The following FMN2 variants were observed in gnomAD, a reference collection of about 807,000 sequenced individuals.
The protein encoded by FMN2 is formin-2.
Under a neutral mutation model 142.3 loss-of-function variants are expected in FMN2, and 51 were observed. The observed-to-expected ratio is 0.36, with a 90% CI of 0.29 to 0.45. The LOEUF (loss-of-function observed/expected upper bound fraction) is 0.45. Among genes scored for constraint, FMN2 ranks in the 20% least tolerant of loss-of-function variants. FMN2 has a pLI of 1.00. For synonymous variants in FMN2, 882 were observed against 869.8 expected (o/e 1.01, Z -0.25); for missense variants, 1,936 against 2,122.8 (o/e 0.91, Z 1.73).
At chr1:240,158,788 A>G (rs1664140213) in intron 2 of FMN2, among the ~76,000 whole-genome samples, 1 of 152,206 alleles carries the variant, frequency 6.6e-6, no homozygotes, top group Admixed American at 6.5e-5. Context: ...ACTCTAGTTG[A>G]TAAAAATGAC....
chr1:240,398,140 C>T (rs376488791), intron 15 of FMN2, among the ~76,000 whole-genome samples: 8 of 151,944 alleles, frequency 5.3e-5, no homozygotes, highest in African/African-American at 1.7e-4. Context: ...GAATTACAAG[C>T]GTGCACTGCC....
In FMN2 at chr1:240,421,957, C is replaced by T. The variant is rs1429299578; in HGVS notation, c.4911-16104C>T. Among the ~76,000 whole-genome samples the T allele has an allele frequency of 5.3e-5, 8 of 152,256 alleles. 1 individual carries two copies. The highest frequency in any genetic ancestry group is 5.2e-4 in the Admixed American group (8 of 15,292). Reference sequence around the variant, plus strand: ...CCAGGATGGGCAGGAGACACCAGGTCATGGCTCCTGAGCACCAGCTTCCTG... The same window carrying T: ...CCAGGATGGGCAGGAGACACCAGGTTATGGCTCCTGAGCACCAGCTTCCTG... On this transcript the variant is annotated intron_variant, in intron 15 of 17. Transcript: ENST00000319653.
At chr1:240,241,825 C>CTTCTTTTTTTTTTTTTTTTTT (rs1667908718) in intron 6 of FMN2, among the ~76,000 whole-genome samples, 7 of 96,204 alleles carry the variant, frequency 7.3e-5, no homozygotes, top group Non-Finnish European at 1.3e-4. Flanking sequence ...GTGTGCCTTG[C>CTTCTTTTTTTTTTTTTTTTTT]TTTTTTTTTT....
chr1:240,430,374 A>G (rs909696270), intron 15 of FMN2, among the ~76,000 whole-genome samples: 6 of 152,152 alleles, frequency 3.9e-5, no homozygotes, highest in African/African-American at 1.2e-4. Flanking sequence ...ACTGTGTGAA[A>G]ATTTTAATTG....
intron 8 of FMN2, among the ~76,000 whole-genome samples, chr1:240,314,098 C>T (rs1392582669): frequency 2.0e-5 from 3 of 152,028 alleles, no homozygotes; most frequent in Non-Finnish European, 2.9e-5. Flanking sequence ...CTGTCCTCTG[C>T]AAGGAAAAAG....
chr1:240,429,734 C>T (rs1040910774), intron 15 of FMN2, among the ~76,000 whole-genome samples: 1 of 152,130 alleles, frequency 6.6e-6, no homozygotes, highest in African/African-American at 2.4e-5. Flanking sequence ...ATTGATATAT[C>T]AGCAACTTCT....
chr1:240,200,073 C>T (rs1666070802), intron 4 of FMN2, among the ~76,000 whole-genome samples: 1 of 152,132 alleles, frequency 6.6e-6, no homozygotes, highest in African/African-American at 2.4e-5. Flanking sequence ...TATCTAGCTG[C>T]ACCCTGAAGA....
At chr1:240,167,799 G>T (rs1558333461) in intron 2 of FMN2, among the ~76,000 whole-genome samples, 1 of 152,160 alleles carries the variant, frequency 6.6e-6, no homozygotes, top group African/African-American at 2.4e-5. Flanking sequence ...AAAATAGGCT[G>T]GGCACGGTGG....
intron 16 of FMN2, among the ~76,000 whole-genome samples, chr1:240,442,424 A>G (rs1675655369): frequency 6.6e-6 from 1 of 152,234 alleles, no homozygotes; most frequent in Non-Finnish European, 1.5e-5. Flanking sequence ...ACCATGATCA[A>G]CAGTTCCCTT....
intron 16 of FMN2, among the ~76,000 whole-genome samples, chr1:240,468,517 C>T (rs1216780678): frequency 6.6e-6 from 1 of 152,110 alleles, no homozygotes; most frequent in Non-Finnish European, 1.5e-5. Context: ...ATGGTGATTG[C>T]GTTCTCACTC....
At chr1:240,271,686 A>T (rs572787488) in intron 7 of FMN2, among the ~76,000 whole-genome samples, 1 of 152,116 alleles carries the variant, frequency 6.6e-6, no homozygotes, top group East Asian at 1.9e-4. Flanking sequence ...TAACCTTTTC[A>T]TCAATTGTAG....
At chr1:240,226,746 A>C (rs1667315665) in intron 6 of FMN2, among the ~76,000 whole-genome samples, 1 of 152,120 alleles carries the variant, frequency 6.6e-6, no homozygotes, top group Non-Finnish European at 1.5e-5. Context: ...GAAAAAAGAC[A>C]AAAGTCCGTG....
At chr1:240,172,928 T>G (rs542977964) in intron 2 of FMN2, among the ~76,000 whole-genome samples, 1 of 151,012 alleles carries the variant, frequency 6.6e-6, no homozygotes, top group Non-Finnish European at 1.5e-5. Context: ...GGCCCTTTTT[T>G]TTGTTTTTTG....
At chr1:240,181,301 G>A (rs6679115) in intron 3 of FMN2, among the ~76,000 whole-genome samples, 1,827 of 152,294 alleles carry the variant, frequency 0.012, 45 homozygotes, top group African/African-American at 0.042. Context: ...ACTGCACTGG[G>A]CCTTTTTTCC....
intron 6 of FMN2, among the ~76,000 whole-genome samples, chr1:240,248,469 TTA>T (rs1323430091): frequency 6.1e-5 from 9 of 148,072 alleles, no homozygotes; most frequent in Admixed American, 3.4e-4. Flanking sequence ...AACATACATG[TTA>T]TATATATTTA....
At chr1:240,260,353 G>T (rs535739707) in intron 7 of FMN2, among the ~76,000 whole-genome samples, 12 of 152,084 alleles carry the variant, frequency 7.9e-5, no homozygotes, top group African/African-American at 2.7e-4. Flanking sequence ...GGTTGTACTG[G>T]TTTACATTCC....
At chr1:240,453,319 C>T (rs1365142174) in intron 16 of FMN2, among the ~76,000 whole-genome samples, 1 of 152,118 alleles carries the variant, frequency 6.6e-6, no homozygotes, top group Non-Finnish European at 1.5e-5. Flanking sequence ...TTTGTATTCC[C>T]AAACATGAAT....
At chr1:240,216,435 G>A (rs1558372254) in intron 6 of FMN2, among the ~76,000 whole-genome samples, 1 of 152,144 alleles carries the variant, frequency 6.6e-6, no homozygotes, top group Admixed American at 6.5e-5. Flanking sequence ...GCAACACAAT[G>A]AATCTCTTTG....
intron 7 of FMN2, 97 bp downstream of exon 7, chr1:240,258,129 G>T: frequency 1.1e-6 from 1 of 925,214 alleles, no homozygotes; most frequent in Non-Finnish European, 1.7e-6. Flanking sequence ...TAGAGTTTCT[G>T]TGTAAACCGA....
Sources: gnomAD v4.1 joint callset for allele counts (sites outside exome capture counted in the v4.1 genomes callset) on GRCh38, gnomAD v4.1.1 for gene constraint, MANE v1.5 for transcripts, NCBI Gene and HGNC (gene_info 2026-07-23, HGNC 2026-07-21) for gene names.